Variants in NUDCD3 observed in about 807,000 individuals in gnomAD.
NUDCD3 encodes the protein nudC domain-containing protein 3.
A neutral mutation model predicts 39.7 loss-of-function variants in NUDCD3; 13 were observed. The ratio of observed to expected loss-of-function variants is 0.33; its 90% CI spans 0.21 to 0.52. The LOEUF is 0.52. NUDCD3 is among the 20% of genes least tolerant of loss of function. The pLI is 0.96. For missense variants in NUDCD3, 453 were observed against 458.1 expected, an observed-to-expected ratio of 0.99 and a Z score of 0.10; for synonymous variants, 175 against 172.4, an observed-to-expected ratio of 1.02 and a Z score of -0.12.
chr7:44,398,705 A>G (rs570872621), intron 4 of NUDCD3, among the ~76,000 whole-genome samples: 1 of 152,278 alleles, frequency 6.6e-6, no homozygotes, highest in South Asian at 2.1e-4. Flanking sequence ...CCCAGCGAGG[A>G]CGACTTTACT....
intron 2 of NUDCD3, among the ~76,000 whole-genome samples, chr7:44,449,201 C>A (rs969732719): frequency 1.3e-5 from 2 of 152,098 alleles, no homozygotes; most frequent in Admixed American, 6.5e-5. Flanking sequence ...GGAAACAAGA[C>A]GAGCCTAAGA....
At chr7:44,465,998 T>C (rs1039946091) in intron 2 of NUDCD3, among the ~76,000 whole-genome samples, 2 of 152,036 alleles carry the variant, frequency 1.3e-5, no homozygotes, top group Non-Finnish European at 1.5e-5. Flanking sequence ...TGCATACTTT[T>C]GGGAAAGAAA....
At chr7:44,393,631 T>C (rs1171777407) in intron 4 of NUDCD3, among the ~76,000 whole-genome samples, 1 of 152,116 alleles carries the variant, frequency 6.6e-6, no homozygotes, top group African/African-American at 2.4e-5. Flanking sequence ...TTGATCTGTG[T>C]TTAGATTTCA....
chr7:44,424,215 A>G (rs1022410379), intron 3 of NUDCD3, among the ~76,000 whole-genome samples: 1 of 152,216 alleles, frequency 6.6e-6, no homozygotes, highest in African/African-American at 2.4e-5. Flanking sequence ...AGGCAATAGC[A>G]TTCAGGAACA....
intron 3 of NUDCD3, among the ~76,000 whole-genome samples, chr7:44,408,551 T>C (rs2116878975): frequency 6.6e-6 from 1 of 152,308 alleles, no homozygotes; most frequent in South Asian, 2.1e-4. Context: ...AAGAGATTCC[T>C]GATCCAAAGG....
At chr7:44,450,850 T>C (rs1799782512) in intron 2 of NUDCD3, among the ~76,000 whole-genome samples, 1 of 152,132 alleles carries the variant, frequency 6.6e-6, no homozygotes, top group African/African-American at 2.4e-5. Flanking sequence ...GCACAAATGG[T>C]CATATTTGTT....
intron 2 of NUDCD3, among the ~76,000 whole-genome samples, chr7:44,456,355 G>C (rs1425093533): frequency 2.6e-5 from 4 of 152,186 alleles, no homozygotes; most frequent in Non-Finnish European, 5.9e-5. Flanking sequence ...ATTCTGATAT[G>C]AAAGACATGA....
intron 2 of NUDCD3, among the ~76,000 whole-genome samples, chr7:44,449,614 T>C (rs1799754571): frequency 6.6e-6 from 1 of 152,146 alleles, no homozygotes; most frequent in African/African-American, 2.4e-5. Flanking sequence ...AAAAGTTTAG[T>C]GAAGAAAGTA....
intron 2 of NUDCD3, among the ~76,000 whole-genome samples, chr7:44,462,962 TG>T (rs1800045693): frequency 6.6e-6 from 1 of 151,228 alleles, no homozygotes; most frequent in Non-Finnish European, 1.5e-5. Context: ...TGTGTGTGTG[TG>T]TGTGTGTGTG....
chr7:44,444,657 T>C (rs1195905702), intron 2 of NUDCD3, among the ~76,000 whole-genome samples: 6 of 152,172 alleles, frequency 3.9e-5, no homozygotes, highest in Non-Finnish European at 7.4e-5. Context: ...CCACTATCAG[T>C]AATGCTGAGT....
intron 3 of NUDCD3, among the ~76,000 whole-genome samples, chr7:44,408,616 A>T (rs1684196819): frequency 6.6e-6 from 1 of 152,226 alleles, no homozygotes; most frequent in South Asian, 2.1e-4. Context: ...CCTCCATAAA[A>T]GCAACCAAAA....
At chr7:44,419,286 C>A (rs1479814352) in intron 3 of NUDCD3, among the ~76,000 whole-genome samples, 5 of 150,660 alleles carry the variant, frequency 3.3e-5, no homozygotes, top group African/African-American at 1.2e-4. Flanking sequence ...TCTATAGATT[C>A]CTTCTCACTG....
At chr7:44,432,036 G>C (rs979278372) in intron 2 of NUDCD3, among the ~76,000 whole-genome samples, 1 of 152,092 alleles carries the variant, frequency 6.6e-6, no homozygotes, top group Non-Finnish European at 1.5e-5. Flanking sequence ...CAATCTCAGC[G>C]ATTTGGGAGG....
intron 2 of NUDCD3, among the ~76,000 whole-genome samples, chr7:44,431,458 C>T (rs1206659046): frequency 2.0e-5 from 3 of 152,142 alleles, no homozygotes; most frequent in Non-Finnish European, 2.9e-5. Flanking sequence ...CAGGCCTAGG[C>T]GCTCCTGAGT....
At chr7:44,435,572 A>G (rs1481103231) in intron 2 of NUDCD3, among the ~76,000 whole-genome samples, 1 of 152,250 alleles carries the variant, frequency 6.6e-6, no homozygotes, top group Non-Finnish European at 1.5e-5. Context: ...ATGGTTCCAT[A>G]GGAACTGTAA....
intron 3 of NUDCD3, among the ~76,000 whole-genome samples, chr7:44,414,518 T>A (rs1045606834): frequency 6.6e-6 from 1 of 152,176 alleles, no homozygotes; most frequent in Non-Finnish European, 1.5e-5. Context: ...TGATTATACA[T>A]GCATAAAAAT....
intron 5 of NUDCD3, among the ~76,000 whole-genome samples, chr7:44,388,345 G>GC (rs761462023): frequency 6.6e-6 from 1 of 152,144 alleles, no homozygotes; most frequent in Admixed American, 6.5e-5. Context: ...AGCAACTCCG[G>GC]CCCCCTAACT....
At chr7:44,475,967 A>G (rs1800360429) in intron 2 of NUDCD3, among the ~76,000 whole-genome samples, 1 of 152,202 alleles carries the variant, frequency 6.6e-6, no homozygotes, top group Admixed American at 6.5e-5. Context: ...GATAATAGCT[A>G]GTATCTACTT....
intron 3 of NUDCD3, among the ~76,000 whole-genome samples, chr7:44,412,032 C>T (rs1798936981): frequency 6.6e-6 from 1 of 152,230 alleles, no homozygotes; most frequent in Non-Finnish European, 1.5e-5. Flanking sequence ...TTGTGGCACA[C>T]TCATGTTCAG....
Sources: allele counts gnomAD v4.1 joint callset (sites outside exome capture counted in the v4.1 genomes callset), GRCh38; gene constraint gnomAD v4.1.1; transcripts MANE v1.5; gene names NCBI Gene and HGNC (gene_info 2026-07-23, HGNC 2026-07-21).